The following WDR41 variants were observed in gnomAD, a reference collection of about 807,000 sequenced individuals.
The protein encoded by WDR41 is WD repeat domain 41.
A neutral mutation model predicts 69.3 loss-of-function variants in WDR41; 63 were observed. The ratio of observed to expected loss-of-function variants is 0.91; its 90% confidence interval spans 0.74 to 1.12. The LOEUF (loss-of-function observed/expected upper bound fraction) is 1.12, where lower values mean the gene tolerates loss of function less well. Ranked by LOEUF, WDR41 falls within the 50% of genes most tolerant of loss-of-function variation. The probability of loss-of-function intolerance (pLI) is 0.00; values close to 1 mark genes in which losing one functional copy is unlikely to be tolerated. For missense variants in WDR41, 543 were observed against 534.5 expected (o/e 1.02, Z -0.16); for synonymous variants, 185 against 192.1 (o/e 0.96, Z 0.31).
At position 77,464,273 on chromosome 5, in the gene WDR41, A is replaced by ATTT. The variant is rs772388660; in HGVS notation, c.216+487_216+488insAAA. On this transcript the variant is annotated intron_variant, in intron 3 of 12. Transcript: ENST00000296679. Reference sequence around the variant, plus strand: ...TTTGGCATTTGTTTCTTAGGAAAAAACTTTTTTTTTTTTTTTTTTTTTTTG... The same window carrying ATTT: ...TTTGGCATTTGTTTCTTAGGAAAAAATTTCTTTTTTTTTTTTTTTTTTTTTTTG... Among the ~76,000 whole-genome samples, 104 of 95,446 alleles carry ATTT rather than the reference A, an allele frequency of 1.1e-3. 1 individual carries two copies. The highest frequency in any genetic ancestry group is 1.7e-3 in the Non-Finnish European group (82 of 47,324). The allele number at this position is 95,446 out of a possible 152,430, so 62.6% of individuals were successfully genotyped here. A position where few individuals can be genotyped will look rare whatever the true frequency, so the allele number is the denominator to read the frequency against.
At chr5:77,619,812 C>T (rs773768405) in intron 1 of WDR41, among the ~76,000 whole-genome samples, 2 of 152,006 alleles carry the variant, frequency 1.3e-5, no homozygotes, top group Non-Finnish European at 2.9e-5. Context: ...GAGGTGACTT[C>T]GGAGCCCAGG....
At chr5:77,546,242 G>T in intron 1 of WDR41, 1 of 387,260 alleles carries the variant, frequency 2.6e-6, no homozygotes, top group South Asian at 8.3e-5. Context: ...AAAGGACCCA[G>T]GCTCCAGCTG....
intron 1 of WDR41, among the ~76,000 whole-genome samples, chr5:77,542,718 G>A (rs557757294): frequency 6.6e-6 from 1 of 152,142 alleles, no homozygotes; most frequent in African/African-American, 2.4e-5. Flanking sequence ...ATAAATAAAA[G>A]ACATCTAAAT....
intron 1 of WDR41, among the ~76,000 whole-genome samples, chr5:77,525,641 G>A (rs1022836280): frequency 6.6e-6 from 1 of 152,140 alleles, no homozygotes; most frequent in Admixed American, 6.5e-5. Flanking sequence ...ACCTTGCAGG[G>A]ATTCCTTAAG....
At chr5:77,445,975 A>C (rs1799364770) in intron 8 of WDR41, among the ~76,000 whole-genome samples, 1 of 152,206 alleles carries the variant, frequency 6.6e-6, no homozygotes, top group Non-Finnish European at 1.5e-5. Flanking sequence ...GAAGAGAGGA[A>C]GTCAAATTGT....
At chr5:77,509,470 A>G (rs1237141245) in intron 1 of WDR41, among the ~76,000 whole-genome samples, 1 of 152,240 alleles carries the variant, frequency 6.6e-6, no homozygotes, top group Non-Finnish European at 1.5e-5. Flanking sequence ...AAGAACTCAA[A>G]TTGATAAGCA....
rs945113772 is a variant in WDR41, at chr5:77,572,850, GTATCTTTCATTAGATCAGTC to G, written c.42+47609_42+47628del. ...AACCCAAAGTATTTTATTTCATTTT[GTATCTTTCATTAGATCAGTC>G]TATCTTTCATTAGATCAAACCCAAC... On this transcript the variant is annotated intron_variant, in intron 1 of 5. Coordinates refer to the WDR41 transcript ENST00000509971. Among the ~76,000 whole-genome samples, 24 of 152,230 alleles carry G rather than the reference GTATCTTTCATTAGATCAGTC, an allele frequency of 1.6e-4. 1 individual carries two copies. The East Asian group carries it at 3.7e-3, about 23-fold the overall frequency.
At chr5:77,554,831 C>A (rs1011235761) in intron 1 of WDR41, among the ~76,000 whole-genome samples, 4 of 151,832 alleles carry the variant, frequency 2.6e-5, no homozygotes, top group Admixed American at 2.6e-4. Context: ...GATAAAAGTG[C>A]CTAGAGGCCG....
At chr5:77,619,712 G>A (rs1231882706) in intron 1 of WDR41, among the ~76,000 whole-genome samples, 1 of 152,114 alleles carries the variant, frequency 6.6e-6, no homozygotes, top group Non-Finnish European at 1.5e-5. Context: ...TTAAAGCAGA[G>A]GACTAGAGCT....
rs558519539 is a variant in WDR41 at position 77,483,927 on chromosome 5, T to C, written c.167+5530A>G. 4.1e-3 allele frequency among the ~76,000 whole-genome samples: 617 copies of C among 152,328 alleles called. 3 individuals are homozygous for C. Among genetic ancestry groups the C allele is most frequent in the Non-Finnish European group, 6.1e-3 (416 of 68,030 alleles). On this transcript the variant is annotated intron_variant, in intron 2 of 12. Transcript: ENST00000296679. ...GTTGCAATTCATTGCAGTTACTTCCTGTATCTATGCTCAAGTTGCCAGATG... is the reference window on the plus strand; with the variant it reads ...GTTGCAATTCATTGCAGTTACTTCCCGTATCTATGCTCAAGTTGCCAGATG...
chr5:77,483,490 G>A (rs1801377312), intron 2 of WDR41, among the ~76,000 whole-genome samples: 2 of 71,270 alleles, frequency 2.8e-5, no homozygotes, highest in Non-Finnish European at 2.4e-5. Context: ...TCGTGTGTGT[G>A]TGTGTGTGTG....
At chr5:77,451,596 C>CT (rs1033910849) in intron 6 of WDR41, 58 of 398,400 alleles carry the variant, frequency 1.5e-4, no homozygotes, top group Middle Eastern at 7.1e-4. Flanking sequence ...TTTTTTTGTA[C>CT]TTTTTTTTAC....
At chr5:77,458,603 A>G (rs1799924037) in intron 5 of WDR41, among the ~76,000 whole-genome samples, 1 of 152,160 alleles carries the variant, frequency 6.6e-6, no homozygotes, top group African/African-American at 2.4e-5. Context: ...AAAGGAATAA[A>G]CCTAACAGTA....
chr5:77,547,733 A>T (rs891311915), intron 1 of WDR41, among the ~76,000 whole-genome samples: 3 of 152,166 alleles, frequency 2.0e-5, no homozygotes, highest in African/African-American at 4.8e-5. Context: ...ATTCAGTGCA[A>T]TTCCCATCAA....
chr5:77,617,343 T>C (rs948767293), intron 1 of WDR41, among the ~76,000 whole-genome samples: 1 of 152,208 alleles, frequency 6.6e-6, no homozygotes, highest in Non-Finnish European at 1.5e-5. Flanking sequence ...AGACTTGTTA[T>C]ATACAAAACA....
chr5:77,483,199 C>G (rs1244690448), intron 2 of WDR41, among the ~76,000 whole-genome samples: 1 of 152,094 alleles, frequency 6.6e-6, no homozygotes, highest in Non-Finnish European at 1.5e-5. Flanking sequence ...GTCAGTGGCC[C>G]CGATCACAGC....
chr5:77,594,354 T>G (rs1356091275), intron 1 of WDR41, among the ~76,000 whole-genome samples: 2 of 151,756 alleles, frequency 1.3e-5, no homozygotes, highest in East Asian at 1.9e-4. Context: ...ACATAGCACA[T>G]GTATACATAT....
intron 2 of WDR41, among the ~76,000 whole-genome samples, chr5:77,470,130 T>C (rs1800507927): frequency 6.6e-6 from 1 of 151,702 alleles, no homozygotes; most frequent in African/African-American, 2.4e-5. Context: ...TATTCAACAT[T>C]CTTAAAGAAA....
At chr5:77,562,629 C>T (rs551429255) in intron 1 of WDR41, among the ~76,000 whole-genome samples, 1 of 152,198 alleles carries the variant, frequency 6.6e-6, no homozygotes, top group South Asian at 2.1e-4. Context: ...GATAATTGTT[C>T]TAGAAAGAGA....
Sources: allele counts gnomAD v4.1 joint callset (sites outside exome capture counted in the v4.1 genomes callset), GRCh38; gene constraint gnomAD v4.1.1; transcripts MANE v1.5; gene names NCBI Gene and HGNC (gene_info 2026-07-23, HGNC 2026-07-21).